Variants in SPATS2L observed in about 807,000 individuals in gnomAD.
SPATS2L encodes SPATS2-like protein.
Under a neutral mutation model 59.6 loss-of-function variants are expected in SPATS2L, and 30 were observed. The observed-to-expected ratio is 0.50, with a 90% CI of 0.38 to 0.68. The LOEUF (loss-of-function observed/expected upper bound fraction) is 0.68, where lower values mean the gene tolerates loss of function less well. SPATS2L is among the 30% of genes least tolerant of loss of function. The probability of loss-of-function intolerance (pLI) is 0.00; values close to 1 mark genes in which losing one functional copy is unlikely to be tolerated. For missense variants in SPATS2L, 615 were observed against 700.0 expected, an observed-to-expected ratio of 0.88 and a Z score of 1.37; for synonymous variants, 252 against 263.5, an observed-to-expected ratio of 0.96 and a Z score of 0.42.
intron 9 of SPATS2L, chr2:200,461,408 A>G (rs2086232277): frequency 6.6e-6 from 1 of 152,202 alleles, no homozygotes; most frequent in African/African-American, 2.4e-5. Context: ...TTACTTGAGT[A>G]GTAGAGAAGA....
At chr2:200,348,787 G>A (rs1030693358) in intron 2 of SPATS2L, among the ~76,000 whole-genome samples, 5 of 151,610 alleles carry the variant, frequency 3.3e-5, no homozygotes, top group Non-Finnish European at 7.4e-5. Context: ...TGTACTAAGT[G>A]TTAGGAAATG....
intron 8 of SPATS2L, among the ~76,000 whole-genome samples, chr2:200,449,652 T>C (rs1369805913): frequency 1.3e-5 from 2 of 152,218 alleles, no homozygotes; most frequent in African/African-American, 4.8e-5. Flanking sequence ...CACATTCCCA[T>C]AGGATACTAG....
intron 1 of SPATS2L, among the ~76,000 whole-genome samples, chr2:200,308,239 G>GAA (rs11400971): frequency 0.39 from 57,998 of 146,868 alleles, 12,647 homozygotes; most frequent in East Asian, 0.72. Flanking sequence ...TCTTCACTCT[G>GAA]AAAAAAAAAA....
At chr2:200,307,229 C>G (rs575427715) in intron 1 of SPATS2L, among the ~76,000 whole-genome samples, 1 of 151,638 alleles carries the variant, frequency 6.6e-6, no homozygotes, top group African/African-American at 2.4e-5. Context: ...CCGCCGCGCT[C>G]CGACGTGTAC....
chr2:200,392,351 A>T (rs1046259445), intron 3 of SPATS2L, among the ~76,000 whole-genome samples: 6 of 152,186 alleles, frequency 3.9e-5, no homozygotes, highest in African/African-American at 1.4e-4. Flanking sequence ...TGAGCTAAAT[A>T]CTTGGAGGTT....
At chr2:200,360,213 C>T (rs1281811272) in intron 2 of SPATS2L, among the ~76,000 whole-genome samples, 1 of 152,166 alleles carries the variant, frequency 6.6e-6, no homozygotes, top group Non-Finnish European at 1.5e-5. Context: ...AACTGGTCCA[C>T]CCAAGTCCAT....
intron 1 of SPATS2L, among the ~76,000 whole-genome samples, chr2:200,319,124 G>T (rs1452576934): frequency 6.6e-6 from 1 of 152,114 alleles, no homozygotes; most frequent in African/African-American, 2.4e-5. Context: ...CTGTGTGGTC[G>T]CTCTTCAAAT....
intron 2 of SPATS2L, among the ~76,000 whole-genome samples, chr2:200,336,322 A>C (rs58515775): frequency 0.11 from 16,514 of 152,230 alleles, 953 homozygotes; most frequent in Non-Finnish European, 0.13. Context: ...TTATGATTAG[A>C]AAACATTGTA....
At chr2:200,399,532 C>A (rs1229075256) in intron 3 of SPATS2L, among the ~76,000 whole-genome samples, 3 of 152,126 alleles carry the variant, frequency 2.0e-5, no homozygotes, top group Non-Finnish European at 2.9e-5. Context: ...AGGAATTTGG[C>A]AAATGCTGAC....
At chr2:200,344,129 CTCATG>C (rs988181350) in intron 2 of SPATS2L, among the ~76,000 whole-genome samples, 5 of 151,638 alleles carry the variant, frequency 3.3e-5, no homozygotes, top group African/African-American at 1.2e-4. Context: ...TATAGGTAAA[CTCATG>C]TCATGGGGGT....
rs535214143 is a variant in SPATS2L, at chr2:200,478,141, T to G, written c.*110T>G. The G allele has an allele frequency of 7.4e-4, 755 of 1,019,366 alleles. 2 individuals carry two copies. The highest frequency in any genetic ancestry group is 2.0e-3 in the Middle Eastern group (6 of 3,068). The allele number at this position is 1,019,366 out of a possible 1,614,324, so 63.1% of individuals were successfully genotyped here. ...TCAGAATATACAAATCCCGTATGGTTGTGTCATCCTCTCTTAATCATTTTT... is the reference window on the plus strand; with the variant it reads ...TCAGAATATACAAATCCCGTATGGTGGTGTCATCCTCTCTTAATCATTTTT... On this transcript the variant is annotated 3_prime_UTR_variant, in exon 13 of 13. Transcript: ENST00000409140.
intron 3 of SPATS2L, among the ~76,000 whole-genome samples, chr2:200,397,989 G>A (rs1320238108): frequency 1.3e-5 from 2 of 152,136 alleles, no homozygotes; most frequent in Non-Finnish European, 2.9e-5. Context: ...GAAAGAAGAG[G>A]GAGAAGAAAG....
At chr2:200,458,144 A>T (rs1186500655) in intron 8 of SPATS2L, among the ~76,000 whole-genome samples, 1 of 152,212 alleles carries the variant, frequency 6.6e-6, no homozygotes, top group Non-Finnish European at 1.5e-5. Flanking sequence ...TTACCTATGC[A>T]AACTATACTT....
chr2:200,347,656 C>T (rs1429545547), intron 2 of SPATS2L, among the ~76,000 whole-genome samples: 5 of 152,236 alleles, frequency 3.3e-5, no homozygotes, highest in African/African-American at 7.2e-5. Context: ...TTCACTGGGT[C>T]CCCTAAAGCA....
At chr2:200,455,920 G>C (rs1349704090) in intron 8 of SPATS2L, among the ~76,000 whole-genome samples, 1 of 152,150 alleles carries the variant, frequency 6.6e-6, no homozygotes, top group Non-Finnish European at 1.5e-5. Context: ...CAGGCTTTGT[G>C]GGCATTTAGA....
At chr2:200,422,882 G>T (rs1382960801) in intron 6 of SPATS2L, among the ~76,000 whole-genome samples, 1 of 151,784 alleles carries the variant, frequency 6.6e-6, no homozygotes, top group Non-Finnish European at 1.5e-5. Context: ...CCTCTTTCTT[G>T]CTCTCTCTCT....
chr2:200,311,982 G>T (rs561994550), intron 1 of SPATS2L, among the ~76,000 whole-genome samples: 1 of 152,250 alleles, frequency 6.6e-6, no homozygotes, highest in South Asian at 2.1e-4. Context: ...CTTTACATCA[G>T]CACTCTTATA....
rs567158762 is a variant in SPATS2L at position 200,478,133 on chromosome 2, C to T, written c.*102C>T. 1.1e-5 allele frequency: 12 copies of T among 1,113,028 alleles called. No individual in the cohort carries two copies. The South Asian group carries it at 2.1e-4, about 20-fold the overall frequency. The allele number at this position is 1,113,028 out of a possible 1,614,324, so 68.9% of individuals were successfully genotyped here. On this transcript the variant is annotated 3_prime_UTR_variant, in exon 13 of 13. Coordinates refer to ENST00000409140, the MANE Select transcript of SPATS2L (RefSeq NM_001100423.2). ...AGTGTCAATCAGAATATACAAATCCCGTATGGTTGTGTCATCCTCTCTTAA... is the reference window on the plus strand; with the variant it reads ...AGTGTCAATCAGAATATACAAATCCTGTATGGTTGTGTCATCCTCTCTTAA...
chr2:200,398,190 G>A (rs1427766797), intron 3 of SPATS2L, among the ~76,000 whole-genome samples: 1 of 152,098 alleles, frequency 6.6e-6, no homozygotes, highest in East Asian at 1.9e-4. Context: ...ATGCACTGGG[G>A]GACCCAAGAG....
Sources: allele counts gnomAD v4.1 joint callset (sites outside exome capture counted in the v4.1 genomes callset), GRCh38; gene constraint gnomAD v4.1.1; transcripts MANE v1.5; gene names NCBI Gene and HGNC (gene_info 2026-07-23, HGNC 2026-07-21).